Variants in LRRC4C observed in about 807,000 individuals in gnomAD.
LRRC4C encodes the protein leucine-rich repeat-containing protein 4C.
A neutral mutation model predicts 33.6 loss-of-function variants in LRRC4C; 5 were observed. That is an observed-to-expected ratio of 0.15 (90% CI 0.08 to 0.31). The LOEUF (loss-of-function observed/expected upper bound fraction) is 0.31. Ranked by LOEUF, LRRC4C falls within the 10% of genes least tolerant of loss-of-function variation. The probability of loss-of-function intolerance (pLI) is 1.00; values close to 1 mark genes in which losing one functional copy is unlikely to be tolerated. For synonymous variants in LRRC4C, 329 were observed against 302.0 expected (o/e 1.09, Z -0.93); for missense variants, 560 against 796.7 (o/e 0.70, Z 3.58).
intron 2 of LRRC4C, among the ~76,000 whole-genome samples, chr11:40,678,668 C>T (rs913563483): frequency 3.3e-5 from 5 of 151,950 alleles, no homozygotes; most frequent in African/African-American, 9.7e-5. Flanking sequence ...AGGGTAATTC[C>T]CCTGCACAAG....
intron 1 of LRRC4C, among the ~76,000 whole-genome samples, chr11:41,089,801 C>T (rs544599783): frequency 2.6e-5 from 4 of 151,566 alleles, no homozygotes; most frequent in African/African-American, 9.7e-5. Flanking sequence ...TATGTCGAAA[C>T]GATAATAGAT....
At chr11:40,922,164 C>T (rs970402367) in intron 2 of LRRC4C, among the ~76,000 whole-genome samples, 1 of 152,012 alleles carries the variant, frequency 6.6e-6, no homozygotes, top group African/African-American at 2.4e-5. Flanking sequence ...TTTCTCTCTC[C>T]CTTCTTTTTG....
intron 1 of LRRC4C, among the ~76,000 whole-genome samples, chr11:41,316,262 C>CAAAAAAAAAAAAAAAAAAAAAAAAAAA (rs60671406): frequency 1.4e-4 from 11 of 78,022 alleles, no homozygotes; most frequent in East Asian, 6.3e-4. Flanking sequence ...CTCTGGATGG[C>CAAAAAAAAAAAAAAAAAAAAAAAAAAA]AAAAAAAAAA....
intron 5 of LRRC4C, among the ~76,000 whole-genome samples, chr11:40,200,784 A>AAAAAAGAAAAG (rs71060946): frequency 3.8e-5 from 3 of 78,416 alleles, no homozygotes; most frequent in Non-Finnish European, 6.9e-5. Flanking sequence ...AAAAAAAAAA[A>AAAAAAGAAAAG]AAAAGAAAAG....
chr11:40,999,557 T>C (rs140139181), intron 1 of LRRC4C, among the ~76,000 whole-genome samples: 54 of 152,268 alleles, frequency 3.5e-4, no homozygotes, highest in African/African-American at 1.3e-3. Context: ...TTCACTCTTT[T>C]TTCTTAAGGG....
chr11:40,841,758 A>C (rs2135652070), intron 2 of LRRC4C, among the ~76,000 whole-genome samples: 1 of 152,322 alleles, frequency 6.6e-6, no homozygotes, highest in African/African-American at 2.4e-5. Flanking sequence ...GACATAATTA[A>C]GTTCTGAGAA....
chr11:41,416,838 A>C (rs1954700113), intron 1 of LRRC4C, among the ~76,000 whole-genome samples: 1 of 152,006 alleles, frequency 6.6e-6, no homozygotes, highest in Non-Finnish European at 1.5e-5. Flanking sequence ...AGTACTCGAA[A>C]ATTCTCTACA....
chr11:40,226,160 A>G (rs920082726), intron 5 of LRRC4C, among the ~76,000 whole-genome samples: 2 of 152,184 alleles, frequency 1.3e-5, no homozygotes, highest in African/African-American at 4.8e-5. Flanking sequence ...TAGTAAGGAG[A>G]ATACCAAAGT....
intron 3 of LRRC4C, among the ~76,000 whole-genome samples, chr11:40,581,620 T>C (rs914098167): frequency 1.1e-4 from 17 of 152,222 alleles, no homozygotes; most frequent in African/African-American, 3.9e-4. Context: ...AAAAAAAGAA[T>C]AGGCCGGGAG....
chr11:40,291,926 G>A (rs927760481), intron 4 of LRRC4C, among the ~76,000 whole-genome samples: 2 of 151,518 alleles, frequency 1.3e-5, no homozygotes, highest in African/African-American at 2.4e-5. Context: ...GGCTTTCTTG[G>A]GGAGCTTTTT....
chr11:40,183,683 C>A (rs1381798384), intron 5 of LRRC4C, among the ~76,000 whole-genome samples: 15 of 152,150 alleles, frequency 9.9e-5, no homozygotes, highest in Admixed American at 9.8e-4. Context: ...AAAGGTTGAG[C>A]TAACAAGAGG....
chr11:40,451,975 G>A (rs1012524292), intron 3 of LRRC4C, among the ~76,000 whole-genome samples: 24 of 152,186 alleles, frequency 1.6e-4, no homozygotes, highest in Middle Eastern at 3.4e-3. Context: ...GAGCTTGAGC[G>A]TGAGCCAAAG....
intron 3 of LRRC4C, among the ~76,000 whole-genome samples, chr11:40,528,349 C>T (rs1470511825): frequency 6.6e-6 from 1 of 151,866 alleles, no homozygotes; most frequent in African/African-American, 2.4e-5. Flanking sequence ...AACAAATAGC[C>T]TGATTTAAGA....
intron 2 of LRRC4C, among the ~76,000 whole-genome samples, chr11:40,716,841 C>T (rs1226587425): frequency 2.6e-5 from 4 of 152,082 alleles, no homozygotes; most frequent in African/African-American, 7.2e-5. Context: ...TGGGGAGCTG[C>T]ATTTTACAGG....
intron 2 of LRRC4C, among the ~76,000 whole-genome samples, chr11:40,847,527 T>C (rs1403351459): frequency 6.6e-6 from 1 of 152,200 alleles, no homozygotes; most frequent in African/African-American, 2.4e-5. Flanking sequence ...AGCTTTTTAA[T>C]GTGTTGCTGG....
At chr11:41,084,415 T>G (rs1183117899) in intron 1 of LRRC4C, among the ~76,000 whole-genome samples, 1 of 152,184 alleles carries the variant, frequency 6.6e-6, no homozygotes, top group East Asian at 1.9e-4. Flanking sequence ...TACTATATAT[T>G]AATATTAAAA....
At chr11:40,500,738 T>G (rs940410964) in intron 3 of LRRC4C, among the ~76,000 whole-genome samples, 1 of 152,038 alleles carries the variant, frequency 6.6e-6, no homozygotes, top group Non-Finnish European at 1.5e-5. Context: ...ATGATGAGAT[T>G]TGGGTGGGGA....
intron 1 of LRRC4C, among the ~76,000 whole-genome samples, chr11:41,250,001 T>A (rs1419457298): frequency 6.8e-6 from 1 of 147,972 alleles, no homozygotes; most frequent in East Asian, 2.0e-4. Context: ...CCATCTCTAC[T>A]AAAAAAAAAA....
intron 2 of LRRC4C, among the ~76,000 whole-genome samples, chr11:40,896,797 C>T (rs147488053): frequency 5.7e-4 from 86 of 152,084 alleles, no homozygotes; most frequent in African/African-American, 1.7e-3. Context: ...ACAAGGTATG[C>T]GCATCTACTT....
Sources: allele counts gnomAD v4.1 joint callset (sites outside exome capture counted in the v4.1 genomes callset), GRCh38; gene constraint gnomAD v4.1.1; transcripts MANE v1.5; gene names NCBI Gene and HGNC (gene_info 2026-07-23, HGNC 2026-07-21).